Variants in DENND4A observed in about 807,000 individuals in gnomAD.
DENND4A encodes DENN domain containing 4A.
A neutral mutation model predicts 199.3 loss-of-function variants in DENND4A; 70 were observed. That is an observed-to-expected ratio of 0.35 (90% CI 0.29 to 0.43). The LOEUF is 0.43. DENND4A is among the 20% of genes least tolerant of loss of function. DENND4A has a pLI of 1.00. For missense variants in DENND4A, 1,723 were observed against 2,255.8 expected (o/e 0.76, Z 4.78); for synonymous variants, 686 against 766.9 (o/e 0.89, Z 1.74).
intron 32 of DENND4A, among the ~76,000 whole-genome samples, chr15:65,663,072 G>A (rs1024285091): frequency 6.6e-6 from 1 of 151,374 alleles, no homozygotes; most frequent in African/African-American, 2.4e-5. Flanking sequence ...CATGATTTTG[G>A]TTAAGTTCTG....
intron 12 of DENND4A, among the ~76,000 whole-genome samples, chr15:65,720,407 C>T (rs1216279180): frequency 1.3e-5 from 2 of 148,532 alleles, no homozygotes; most frequent in African/African-American, 4.9e-5. Context: ...AACCAGAAAG[C>T]CTAGGATTTT....
At chr15:65,783,089 C>A (rs1197611640) in intron 1 of DENND4A, among the ~76,000 whole-genome samples, 1 of 151,106 alleles carries the variant, frequency 6.6e-6, no homozygotes, top group Non-Finnish European at 1.5e-5. Context: ...TAATTTAGAT[C>A]AATTTATTAA....
intron 1 of DENND4A, among the ~76,000 whole-genome samples, chr15:65,791,599 C>T (rs546733294): frequency 3.9e-5 from 6 of 152,278 alleles, no homozygotes; most frequent in Admixed American, 1.3e-4. Flanking sequence ...CGGGCTCCCC[C>T]CGCCGCCTGT....
At chr15:65,700,003 T>G (rs1379500691) in intron 20 of DENND4A, among the ~76,000 whole-genome samples, 1 of 151,938 alleles carries the variant, frequency 6.6e-6, no homozygotes, top group East Asian at 1.9e-4. Flanking sequence ...TTTATATATT[T>G]AAAATTTTTT....
chr15:65,690,096 T>C (rs932109264), intron 23 of DENND4A, among the ~76,000 whole-genome samples: 1 of 152,198 alleles, frequency 6.6e-6, no homozygotes, highest in African/African-American at 2.4e-5. Flanking sequence ...TGAGGGCATA[T>C]TGGACACATT....
At chr15:65,757,724 T>C (rs1442474613) in intron 2 of DENND4A, among the ~76,000 whole-genome samples, 1 of 152,198 alleles carries the variant, frequency 6.6e-6, no homozygotes, top group Non-Finnish European at 1.5e-5. Flanking sequence ...GGCTCACGCC[T>C]GTAATCCCAG....
chr15:65,704,997 CAAAT>C (rs2075002292), intron 15 of DENND4A, among the ~76,000 whole-genome samples: 1 of 151,996 alleles, frequency 6.6e-6, no homozygotes, highest in Non-Finnish European at 1.5e-5. Flanking sequence ...TACCAAAAGA[CAAAT>C]AAGCATAAAG....
At chr15:65,706,693 A>G (rs2075071643) in intron 14 of DENND4A, among the ~76,000 whole-genome samples, 2 of 152,000 alleles carry the variant, frequency 1.3e-5, no homozygotes, top group South Asian at 4.2e-4. Flanking sequence ...ACGGGGTTTC[A>G]CCATGTTGGC....
In DENND4A at chr15:65,741,792, TA is replaced by T; in HGVS notation, c.562-9del. On this transcript the variant is annotated splice_polypyrimidine_tract_variant and intron_variant, in intron 4 of 32. Transcript: ENST00000443035. ...GTATACTGCTGATCCCCACTGGATT[TA>T]AAAAAATAGAAATATCATTTAATTT... is the stretch of plus-strand genomic sequence containing the variant. 1 of 1,604,714 alleles carries T rather than the reference TA, an allele frequency of 6.2e-7. No homozygotes were observed. Among genetic ancestry groups the T allele is most frequent in the Non-Finnish European group, 8.5e-7 (1 of 1,174,336 alleles).
At chr15:65,688,618 A>G (rs1245648580) in intron 23 of DENND4A, among the ~76,000 whole-genome samples, 1 of 152,212 alleles carries the variant, frequency 6.6e-6, no homozygotes, top group Non-Finnish European at 1.5e-5. Flanking sequence ...ATAACTGTGC[A>G]GGTCAAGGGG....
intron 5 of DENND4A, 27 bp from the exon 6 acceptor site, chr15:65,738,902 T>A: frequency 6.8e-7 from 1 of 1,473,538 alleles, no homozygotes; most frequent in Non-Finnish European, 9.1e-7. Context: ...AAATATTAGG[T>A]CATCATCTCT....
chr15:65,787,572 C>T (rs1351124481), intron 1 of DENND4A, among the ~76,000 whole-genome samples: 3 of 152,240 alleles, frequency 2.0e-5, no homozygotes, highest in Middle Eastern at 3.4e-3. Flanking sequence ...ATATACCCAG[C>T]CCTTCTAAAT....
rs1254606155 is a variant in DENND4A, at chr15:65,706,183, C to A, written c.1995G>T (p.Leu665=). 1 of 1,602,240 alleles carries A rather than the reference C, an allele frequency of 6.2e-7. No homozygotes were observed. Residue 665 remains leucine, a synonymous_variant, in exon 15 of 33, where the codon CTG becomes CTT. Transcript: ENST00000443035. ...TGTGTTCACTTTTGAAAGATTCATCCAGTTCTATAAGTCGTACTTCACCGC... is the reference window on the plus strand; with the variant it reads ...TGTGTTCACTTTTGAAAGATTCATCAAGTTCTATAAGTCGTACTTCACCGC... ...DKSGEVRLIE[L]DESFKSEHTV... is the part of the protein sequence containing the mutation.
intron 12 of DENND4A, among the ~76,000 whole-genome samples, 199 bp downstream of exon 12, chr15:65,722,649 C>T (rs1472490760): frequency 3.6e-5 from 5 of 140,078 alleles, no homozygotes; most frequent in Non-Finnish European, 6.1e-5. Flanking sequence ...AGCGAGACTC[C>T]GTCTCGAAAA....
Position 65,669,795 on chromosome 15 carries a change from T to G in DENND4A, c.4771A>C (p.Asn1591His), listed in dbSNP as rs77436088. ...LDTSALSVQG[N>H]FDLNSKSKLQ... ...CATAATTACCTATTTAGATCAAAAT[T>G]CCCTTGAACAGAGAGAGCAGATGTG... Residue 1591 changes from asparagine to histidine, a missense_variant, in exon 27 of 33, where the codon AAT becomes CAT. Physicochemically the swap from Asn to His is moderately conservative, Grantham distance 68. Transcript: ENST00000443035. 2.5e-6 allele frequency: 4 copies of G among 1,611,722 alleles called. No individual in the cohort carries two copies. In the Admixed American group the frequency reaches 5.0e-5, roughly 20 times the overall value.
chr15:65,731,709 A>T lies in DENND4A; in HGVS notation c.1108-9T>A, dbSNP rs754522924. 6 of 1,541,176 alleles carry T rather than the reference A, an allele frequency of 3.9e-6. No individual in the cohort carries two copies. The African/African-American group carries it at 5.5e-5, about 14-fold the overall frequency. Reference sequence around the variant, plus strand: ...TTATCATGTGGTGATAACTGGAAGAAGATTTAAAATAAAGAATTTGAAACA... The same window carrying T: ...TTATCATGTGGTGATAACTGGAAGATGATTTAAAATAAAGAATTTGAAACA... On this transcript the variant is annotated splice_polypyrimidine_tract_variant and intron_variant, in intron 8 of 32. Coordinates refer to ENST00000443035, the MANE Select transcript of DENND4A (RefSeq NM_001320835.1).
intron 2 of DENND4A, among the ~76,000 whole-genome samples, chr15:65,756,872 C>G (rs1255445570): frequency 6.6e-6 from 1 of 152,032 alleles, no homozygotes; most frequent in Non-Finnish European, 1.5e-5. Context: ...CTTGTCTCTA[C>G]TAAAAATACC....
intron 1 of DENND4A, among the ~76,000 whole-genome samples, chr15:65,774,321 T>A (rs1013699843): frequency 6.6e-6 from 1 of 152,110 alleles, no homozygotes; most frequent in African/African-American, 2.4e-5. Context: ...AGAAACCCAG[T>A]CTCTACTAAA....
chr15:65,711,740 G>A (rs1382891726), intron 14 of DENND4A, among the ~76,000 whole-genome samples: 3 of 152,178 alleles, frequency 2.0e-5, no homozygotes, highest in African/African-American at 7.2e-5. Flanking sequence ...TCTACTGTTT[G>A]TATATCTCAA....
Sources: gnomAD v4.1 joint callset for allele counts (sites outside exome capture counted in the v4.1 genomes callset) on GRCh38, gnomAD v4.1.1 for gene constraint, MANE v1.5 for transcripts, NCBI Gene and HGNC (gene_info 2026-07-23, HGNC 2026-07-21) for gene names.